The following DMD variants were observed in gnomAD, a reference collection of about 807,000 sequenced individuals.
DMD encodes dystrophin.
DMD carries 63 observed loss-of-function variants against 330.1 expected under a neutral mutation model. That is an observed-to-expected ratio of 0.19 (90% CI 0.16 to 0.24). The LOEUF (loss-of-function observed/expected upper bound fraction) is 0.24, where lower values mean the gene tolerates loss of function less well. Among genes scored for constraint, DMD ranks in the 10% least tolerant of loss-of-function variants. The pLI is 1.00. For synonymous variants in DMD, 1,223 were observed against 959.8 expected, an observed-to-expected ratio of 1.27 and a Z score of -5.07; for missense variants, 3,344 against 2,684.1, an observed-to-expected ratio of 1.25 and a Z score of -5.43.
At chrX:31,468,143 G>C (rs755611869) in intron 59 of DMD, among the ~76,000 whole-genome samples, 4 of 111,545 alleles carry the variant, frequency 3.6e-5, no homozygotes, top group African/African-American at 1.3e-4. Flanking sequence ...TTTTTTGAAG[G>C]ATTTCTCATG....
chrX:32,315,479 C>T (rs2097579877), intron 41 of DMD, among the ~76,000 whole-genome samples: 1 of 108,726 alleles, frequency 9.2e-6, no homozygotes, highest in South Asian at 4.0e-4. Flanking sequence ...CAAACCTGCA[C>T]GTTCTGTACA....
intron 48 of DMD, among the ~76,000 whole-genome samples, chrX:31,843,945 G>A (rs1005590159): frequency 8.9e-6 from 1 of 111,767 alleles, no homozygotes; most frequent in African/African-American, 3.3e-5. Flanking sequence ...TGCAACCTCC[G>A]ACTCCCTGGC....
intron 17 of DMD, among the ~76,000 whole-genome samples, chrX:32,537,761 A>G (rs1332751644): frequency 3.6e-5 from 4 of 112,266 alleles, no homozygotes; most frequent in African/African-American, 6.5e-5. Context: ...TTAGATGAAT[A>G]AGTATGAGTA....
chrX:33,248,964 C>T (rs1454430928), intron 1 of DMD, among the ~76,000 whole-genome samples: 1 of 111,865 alleles, frequency 8.9e-6, no homozygotes, highest in African/African-American at 3.2e-5. Flanking sequence ...AAATGCAATT[C>T]AGCATGTGAA....
At chrX:31,415,855 G>C (rs970275519) in intron 60 of DMD, among the ~76,000 whole-genome samples, 1 of 110,671 alleles carries the variant, frequency 9.0e-6, no homozygotes, top group African/African-American at 3.3e-5. Flanking sequence ...ATGCAGCCTG[G>C]GCATGAGGAG....
chrX:31,727,890 A>G (rs2086183560), intron 52 of DMD, among the ~76,000 whole-genome samples: 1 of 112,657 alleles, frequency 8.9e-6, no homozygotes, highest in Non-Finnish European at 1.9e-5. Flanking sequence ...TTCAGACAAA[A>G]GAAGTATTTA....
chrX:31,342,035 T>C (rs2057800885), intron 61 of DMD, among the ~76,000 whole-genome samples: 1 of 110,910 alleles, frequency 9.0e-6, no homozygotes, highest in Non-Finnish European at 1.9e-5. Flanking sequence ...TCCATACCAG[T>C]CAAAAATTGT....
Position 31,873,836 on chromosome X carries a change from C to G in DMD, c.7098+1352G>C, listed in dbSNP as rs147824350. Among the ~76,000 whole-genome samples the G allele has an allele frequency of 5.2e-3, 577 of 111,635 alleles. 6 individuals carry two copies. The highest frequency in any genetic ancestry group is 0.018 in the African/African-American group (556 of 30,758). On this transcript the variant is annotated intron_variant, in intron 48 of 78. Coordinates refer to ENST00000357033, the MANE Select transcript of DMD (RefSeq NM_004006.3). ...ATTGGCAGGATTGTCTGAAGCCTTA[C>G]GCTTACCTGCAGTATCTCATTCGTA...
At chrX:32,792,667 C>A (rs181813976) in intron 7 of DMD, among the ~76,000 whole-genome samples, 1 of 112,187 alleles carries the variant, frequency 8.9e-6, no homozygotes, top group East Asian at 2.8e-4. Context: ...GAAGCAGCAG[C>A]TATGCTTACA....
chrX:33,125,966 G>A (rs377451689), intron 1 of DMD, among the ~76,000 whole-genome samples: 4 of 108,854 alleles, frequency 3.7e-5, no homozygotes, highest in African/African-American at 1.3e-4. Flanking sequence ...TTGAACATGG[G>A]AGGTGGAGGT....
At chrX:32,133,307 A>G (rs2096708604) in intron 44 of DMD, among the ~76,000 whole-genome samples, 3 of 110,387 alleles carry the variant, frequency 2.7e-5, no homozygotes, top group African/African-American at 9.9e-5. Context: ...TGCCTGGCTG[A>G]TCATTCCTTT....
intron 6 of DMD, among the ~76,000 whole-genome samples, chrX:32,815,610 T>C (rs2077701554): frequency 1.9e-5 from 2 of 107,446 alleles, no homozygotes; most frequent in Admixed American, 2.0e-4. Flanking sequence ...TCTAAGTGTA[T>C]GTGTACATAT....
rs780133958 is a variant in DMD, at chrX:31,760,740, A to G, written c.7542+13220T>C. 4.5e-5 allele frequency among the ~76,000 whole-genome samples: 5 copies of G among 111,693 alleles called. No individual in the cohort carries two copies. The South Asian group carries it at 1.9e-3, about 42-fold the overall frequency. ...CCCTGTGAAATCATGTCCAGAATCT[A>G]TGCCATAAACCTATGCATCACCTCC... On this transcript the variant is annotated intron_variant, in intron 51 of 78. Coordinates refer to ENST00000357033, the MANE Select transcript of DMD (RefSeq NM_004006.3).
chrX:32,958,123 G>A (rs749596303), intron 2 of DMD, among the ~76,000 whole-genome samples: 12 of 111,507 alleles, frequency 1.1e-4, no homozygotes, highest in African/African-American at 3.2e-4. Context: ...GCGTAAGAGA[G>A]AAGAGACTGC....
chrX:32,417,242 T>C (rs2098169588), intron 29 of DMD, among the ~76,000 whole-genome samples: 1 of 111,920 alleles, frequency 8.9e-6, no homozygotes, highest in Admixed American at 9.5e-5. Context: ...CCTGCCTTTG[T>C]TGCTCCACCA....
In DMD at chrX:32,335,508, ATAACATGTG is replaced by A. The variant is rs1210579449; in HGVS notation, c.5922+6583_5922+6591del. Among the ~76,000 whole-genome samples, 10 of 63,682 alleles carry A rather than the reference ATAACATGTG, an allele frequency of 1.6e-4. No homozygotes were observed. The East Asian group carries it at 4.5e-3, about 28-fold the overall frequency. 55.3% of individuals were successfully genotyped at this position (63,682 alleles called of 115,157 possible). A position where few individuals can be genotyped will look rare whatever the true frequency, so the allele number is the denominator to read the frequency against. Reference sequence around the variant, plus strand: ...ACATTTATATATACATGTTATATATATAACATGTGTATGTTATATATAAAACATGTTATA... The same window carrying A: ...ACATTTATATATACATGTTATATATATATGTTATATATAAAACATGTTATA... On this transcript the variant is annotated intron_variant, in intron 41 of 78. Transcript: ENST00000357033.
chrX:31,309,414 G>A (rs913987109), intron 62 of DMD, among the ~76,000 whole-genome samples: 3 of 112,008 alleles, frequency 2.7e-5, no homozygotes, highest in Non-Finnish European at 5.6e-5. Flanking sequence ...TCCTAGTCCT[G>A]ACCCTGGCCT....
At chrX:31,763,787 T>C (rs1340445890) in intron 51 of DMD, among the ~76,000 whole-genome samples, 1 of 112,283 alleles carries the variant, frequency 8.9e-6, no homozygotes, top group Non-Finnish European at 1.9e-5. Flanking sequence ...AACTCACACC[T>C]TGAATGTTTG....
At chrX:32,771,890 T>C (rs780037481) in intron 7 of DMD, among the ~76,000 whole-genome samples, 3 of 111,863 alleles carry the variant, frequency 2.7e-5, no homozygotes, top group African/African-American at 9.7e-5. Flanking sequence ...ACATGTTAAA[T>C]GAAACCATTC....
Sources: gnomAD v4.1 joint callset for allele counts (sites outside exome capture counted in the v4.1 genomes callset) on GRCh38, gnomAD v4.1.1 for gene constraint, MANE v1.5 for transcripts, NCBI Gene and HGNC (gene_info 2026-07-23, HGNC 2026-07-21) for gene names.